Variants in BRD3 observed in about 807,000 individuals in gnomAD.
BRD3 encodes the protein bromodomain containing 3, also known as bromodomain-containing protein 3.
In BRD3, 17 loss-of-function variants were observed where a neutral mutation model predicts 66.8. The observed-to-expected ratio is 0.25, with a 90% CI of 0.17 to 0.38. The LOEUF (loss-of-function observed/expected upper bound fraction) is 0.38, where lower values mean the gene tolerates loss of function less well. Among genes scored for constraint, BRD3 ranks in the 10% least tolerant of loss-of-function variants. BRD3 has a pLI of 1.00. For missense variants in BRD3, 713 were observed against 956.1 expected, an observed-to-expected ratio of 0.75 and a Z score of 3.35; for synonymous variants, 421 against 393.2, an observed-to-expected ratio of 1.07 and a Z score of -0.84.
At position 134,031,620 on chromosome 9, in the gene BRD3, A is replaced by T. The variant is rs1053510991; in HGVS notation, c.*1970T>A. ...TCACCAAGTGTCAGACTCACCAGCA[A>T]TTTAAAAAATGATAATTTACCAGCA... is the stretch of plus-strand genomic sequence containing the variant. On this transcript the variant is annotated 3_prime_UTR_variant, in exon 12 of 12. Coordinates refer to ENST00000303407, the MANE Select transcript of BRD3 (RefSeq NM_007371.4). The T allele has an allele frequency of 4.7e-6, 1 of 212,616 alleles. No individual in the cohort carries two copies. Among genetic ancestry groups the T allele is most frequent in the Non-Finnish European group, 9.5e-6 (1 of 105,162 alleles). 13.2% of individuals were successfully genotyped at this position (212,616 alleles called of 1,614,324 possible).
chr9:134,038,738 G>T (rs1242836834), intron 9 of BRD3, among the ~76,000 whole-genome samples: 1 of 152,140 alleles, frequency 6.6e-6, no homozygotes, highest in African/African-American at 2.4e-5. Context: ...ATGCTCACTG[G>T]AGCATTTCAG....
chr9:134,039,983 A>G, intron 9 of BRD3, 51 bp downstream of exon 9: 1 of 1,542,548 alleles, frequency 6.5e-7, no homozygotes, highest in South Asian at 1.2e-5. Context: ...ATGAGCCCCC[A>G]TGGCGTGCTG....
At chr9:134,051,410 C>T (rs989210602) in intron 4 of BRD3, 152 bp downstream of exon 4, 101 of 791,524 alleles carry the variant, frequency 1.3e-4, no homozygotes, top group Middle Eastern at 3.8e-4. Flanking sequence ...CCAACATCAC[C>T]CACAGGCCAC....
In BRD3 at chr9:134,048,546, G is replaced by T; in HGVS notation, c.715-92C>A. On this transcript the variant is annotated intron_variant, in intron 5 of 11. Transcript: ENST00000303407. ...CGCGTTTCTGGGGCACTGTCTGCCT[G>T]CCTGGCGCTGGGCTAAGCGGCCACA... The T allele has an allele frequency of 3.2e-6, 5 of 1,562,310 alleles. No individual in the cohort carries two copies. The Admixed American group carries it at 8.6e-5, about 27-fold the overall frequency.
intron 1 of BRD3, chr9:134,058,867 A>G (rs1406136408): frequency 6.6e-6 from 1 of 152,292 alleles, no homozygotes; most frequent in Non-Finnish European, 1.5e-5. Flanking sequence ...GCTCCATTTT[A>G]TAGTCCAGGA....
rs1404575984 is a variant in BRD3, at chr9:134,053,415, T to C, written c.63A>G (p.Pro21=). 1 of 1,321,968 alleles carries C rather than the reference T, an allele frequency of 7.6e-7. No individual in the cohort carries two copies. Among genetic ancestry groups the C allele is most frequent in the Non-Finnish European group, 1.0e-6 (1 of 964,844 alleles). The allele number at this position is 1,321,968 out of a possible 1,614,324, so 81.9% of individuals were successfully genotyped here. A position where few individuals can be genotyped will look rare whatever the true frequency, so the allele number is the denominator to read the frequency against. The change falls in exon 2 of 12, where the codon CCA becomes CCG. Residue 21 remains proline (P), a synonymous_variant. Coordinates refer to ENST00000303407, the MANE Select transcript of BRD3 (RefSeq NM_007371.4). ...GIPATPGPVN[P]PPPEVSNPSK... ...TGGGGTTGGAGACCTCCGGGGGGGG[T>C]GGGTTCACAGGGCCCGGGGTCGCCG...
chr9:134,040,563 T>TA (rs935877772), intron 8 of BRD3, among the ~76,000 whole-genome samples: 3 of 151,974 alleles, frequency 2.0e-5, no homozygotes, highest in Non-Finnish European at 2.9e-5. Flanking sequence ...GCTAACTTTT[T>TA]AAAAAAAATG....
chr9:134,064,485 G>A (rs1273316482), intron 1 of BRD3, among the ~76,000 whole-genome samples: 1 of 152,182 alleles, frequency 6.6e-6, no homozygotes, highest in East Asian at 1.9e-4. Flanking sequence ...AGGTTGCAGT[G>A]AAGGGAAATC....
chr9:134,067,279 G>T (rs1260156503), intron 1 of BRD3, among the ~76,000 whole-genome samples: 1 of 151,990 alleles, frequency 6.6e-6, no homozygotes. Context: ...CAACTCAGGG[G>T]GGCTCAAAGT....
chr9:134,050,259 C>G, intron 5 of BRD3, 115 bp downstream of exon 5: 6 of 941,800 alleles, frequency 6.4e-6, no homozygotes, highest in Non-Finnish European at 9.7e-6. Flanking sequence ...GAGAAACACT[C>G]CCAAGAGCCA....
At chr9:134,038,677 A>T (rs1458671847) in intron 9 of BRD3, among the ~76,000 whole-genome samples, 59 of 152,068 alleles carry the variant, frequency 3.9e-4, no homozygotes, top group Admixed American at 3.9e-3. Context: ...AAAAATCCAA[A>T]ATGCTCCAAA....
At chr9:134,046,383 G>A (rs928704179) in intron 6 of BRD3, among the ~76,000 whole-genome samples, 1 of 152,212 alleles carries the variant, frequency 6.6e-6, no homozygotes, top group Non-Finnish European at 1.5e-5. Context: ...ACACACGCAA[G>A]GGCAAGGCAA....
intron 8 of BRD3, 49 bp from the exon 9 acceptor site, chr9:134,040,318 C>T: frequency 6.4e-7 from 1 of 1,556,766 alleles, no homozygotes; most frequent in African/African-American, 1.4e-5. Flanking sequence ...GCCCACACCA[C>T]TGGGGCTGCG....
intron 9 of BRD3, among the ~76,000 whole-genome samples, chr9:134,036,987 G>A (rs1274711408): frequency 6.6e-6 from 1 of 151,970 alleles, no homozygotes; most frequent in Non-Finnish European, 1.5e-5. Context: ...CTCCAGCCTG[G>A]GCGACAGATC....
chr9:134,053,398 G>C lies in BRD3; in HGVS notation c.80C>G (p.Ser27Cys), dbSNP rs1830344140. 6.2e-7 allele frequency: 1 copy of C among 1,609,402 alleles called. No homozygotes were observed. Among genetic ancestry groups the C allele is most frequent in the East Asian group, 2.2e-5 (1 of 44,756 alleles). The change falls in exon 2 of 12, where the codon TCC becomes TGC. Residue 27 changes from serine (S) to cysteine (C), a missense_variant. Physicochemically the swap from Ser to Cys is moderately radical, Grantham distance 112. Around this residue, in one of 5 missense-constraint regions of BRD3, gnomAD observed 48 missense variants for 42.5 expected, o/e 1.13. Transcript: ENST00000303407. ...GPVNPPPPEV[S>C]NPSKPGRKTN... ...CTTGCGGCCGGGCTTGCTGGGGTTGGAGACCTCCGGGGGGGGTGGGTTCAC... is the reference window on the plus strand; with the variant it reads ...CTTGCGGCCGGGCTTGCTGGGGTTGCAGACCTCCGGGGGGGGTGGGTTCAC...
Position 134,036,291 on chromosome 9 carries a change from G to A in BRD3, c.1677C>T (p.Ala559=), listed in dbSNP as rs187775678. 11 of 1,609,254 alleles carry A rather than the reference G, an allele frequency of 6.8e-6. No homozygotes were observed. The African/African-American group carries it at 9.4e-5, about 14-fold the overall frequency. ...CCTCCTCTTCCTCTGAGTCGTAGGA[G>A]GCAGATGCCTGCTTGCCGCCTTTCT... is the stretch of plus-strand genomic sequence containing the variant. ...QLKKGGKQAS[A]SYDSEEEEEG... The change falls in exon 10 of 12, where the codon GCC becomes GCT. Residue 559 remains alanine, a synonymous_variant. Coordinates refer to ENST00000303407, the MANE Select transcript of BRD3 (RefSeq NM_007371.4).
At position 134,031,543 on chromosome 9, in the gene BRD3, A is replaced by T. The variant is rs369917318; in HGVS notation, c.*2047T>A. ...AATGGAAACTTTCAAATCCATTTAT[A>T]TTTTTATTATAAACAAAACTTAATT... On this transcript the variant is annotated 3_prime_UTR_variant, in exon 12 of 12. Transcript: ENST00000303407. The T allele has an allele frequency of 1.5e-4, 30 of 202,384 alleles. No homozygotes were observed. The South Asian group carries it at 3.2e-3, about 22-fold the overall frequency. The allele number at this position is 202,384 out of a possible 1,614,324, so 12.5% of individuals were successfully genotyped here. A position where few individuals can be genotyped will look rare whatever the true frequency, so the allele number is the denominator to read the frequency against.
chr9:134,055,126 C>T (rs542683030), intron 1 of BRD3, among the ~76,000 whole-genome samples: 91 of 152,164 alleles, frequency 6.0e-4, no homozygotes, highest in Non-Finnish European at 1.0e-3. Context: ...CAGGCCAAAG[C>T]GTGGCAGCAC....
At chr9:134,064,645 AC>A (rs1176221131) in intron 1 of BRD3, among the ~76,000 whole-genome samples, 1 of 151,990 alleles carries the variant, frequency 6.6e-6, no homozygotes, top group African/African-American at 2.4e-5. Flanking sequence ...TGGGTCACTC[AC>A]GGCCAAGAGT....
Sources: allele counts gnomAD v4.1 joint callset (sites outside exome capture counted in the v4.1 genomes callset), GRCh38; gene constraint gnomAD v4.1.1; regional missense constraint gnomAD v4.1.1; transcripts MANE v1.5; gene names NCBI Gene and HGNC (gene_info 2026-07-23, HGNC 2026-07-21).